ZNF717: variants seen among roughly 807,000 people sequenced by gnomAD.
ZNF717 encodes the protein krueppel-like factor X17.
In ZNF717, 9 loss-of-function variants were observed where a neutral mutation model predicts 13.8. That is an observed-to-expected ratio of 0.65 (90% CI 0.39 to 1.14). The LOEUF is 1.14. Among genes scored for constraint, ZNF717 ranks in the 50% most tolerant of loss-of-function variants. The probability of loss-of-function intolerance (pLI) is 0.01; values close to 1 mark genes in which losing one functional copy is unlikely to be tolerated. For missense variants in ZNF717, 1,040 were observed against 1,080.7 expected, an observed-to-expected ratio of 0.96 and a Z score of 0.53; for synonymous variants, 327 against 364.1, an observed-to-expected ratio of 0.90 and a Z score of 1.16.
exon 6 of ZNF717, chr3:75,730,592 T>C (rs1938472857): frequency 1.4e-6 from 1 of 701,770 alleles, no homozygotes; most frequent in Admixed American, 2.0e-5. Context: ...GGGAATACAG[T>C]TCCAGAGTTC....
At chr3:75,706,331 G>A (rs199566335), downstream of ZNF717, among the ~76,000 whole-genome samples, 1 of 152,310 alleles carries the variant, frequency 6.6e-6, no homozygotes, top group South Asian at 2.1e-4. Flanking sequence ...TCTGATATCT[G>A]CAGGAAGACA....
rs1326921786 is a variant in ZNF717, at chr3:75,735,946, A to C, written c.*932T>G. 6.6e-6 allele frequency: 1 copy of C among 152,180 alleles called. No homozygotes were observed. The highest frequency in any genetic ancestry group is 2.1e-4 in the South Asian group (1 of 4,828). 9.4% of individuals were successfully genotyped at this position (152,180 alleles called of 1,614,324 possible). A position where few individuals can be genotyped will look rare whatever the true frequency, so the allele number is the denominator to read the frequency against. On this transcript the variant is annotated 3_prime_UTR_variant, in exon 5 of 5. Transcript: ENST00000652011. ...AAAGATTTGTGGCCACGAAGTGCTCAGCAAGCCTGACCAGCACCATTTTTC... is the reference window on the plus strand; with the variant it reads ...AAAGATTTGTGGCCACGAAGTGCTCCGCAAGCCTGACCAGCACCATTTTTC...
chr3:75,750,610 G>T (rs78505770), intron 2 of ZNF717, among the ~76,000 whole-genome samples: 1 of 151,656 alleles, frequency 6.6e-6, no homozygotes, highest in African/African-American at 2.4e-5. Flanking sequence ...CCCTCCAACA[G>T]GATTCCAGAA....
At chr3:75,719,293 A>G (rs1380612695) in intron 4 of ZNF717, among the ~76,000 whole-genome samples, 2 of 151,790 alleles carry the variant, frequency 1.3e-5, no homozygotes, top group African/African-American at 4.8e-5. Flanking sequence ...TCAAAAAAAA[A>G]AAAAAGAATA....
chr3:75,757,837 G>A (rs934704812), intron 2 of ZNF717, among the ~76,000 whole-genome samples: 6 of 152,032 alleles, frequency 3.9e-5, no homozygotes, highest in South Asian at 2.1e-4. Context: ...AGTTGGGGCC[G>A]GGCATGGTGG....
chr3:75,758,613 T>C lies in ZNF717; in HGVS notation c.58-16877A>G, dbSNP rs141192098. Among the ~76,000 whole-genome samples, 953 of 152,296 alleles carry C rather than the reference T, an allele frequency of 6.3e-3. 7 individuals are homozygous for C. Among genetic ancestry groups the C allele is most frequent in the African/African-American group, 0.02 (831 of 41,548 alleles). On this transcript the variant is annotated intron_variant, in intron 2 of 4. Transcript: ENST00000652011. ...ATTCTTTTGTGAAAGGGAGAGTCAA[T>C]TGACACAGCAAACTTCAATGTTGTA...
intron 2 of ZNF717, among the ~76,000 whole-genome samples, chr3:75,752,308 AAT>A: frequency 1.1e-5 from 1 of 89,722 alleles, no homozygotes; most frequent in East Asian, 3.9e-4. Context: ...CGAGGGTCTG[AAT>A]GTTTGTCCCT....
Position 75,737,251 on chromosome 3 carries a change from C to T in ZNF717, c.2372G>A (p.Cys791Tyr). 6.4e-7 allele frequency: 1 copy of T among 1,552,696 alleles called. No homozygotes were observed. Among genetic ancestry groups the T allele is most frequent in the Non-Finnish European group, 8.7e-7 (1 of 1,147,682 alleles). The change falls in exon 5 of 5, where the codon TGT (cysteine) becomes TAT (tyrosine). Residue 791 changes from cysteine (C) to tyrosine (Y), a missense_variant. By Grantham distance (194) the Cys-to-Tyr change is radical (BLOSUM62 -2). Coordinates refer to ENST00000652011, the MANE Select transcript of ZNF717 (RefSeq NM_001290208.3). ...TGTCTTATCGTAAAAAGTTTTCCTACATTCATCACATTCATAGGGTTTCTC... is the reference window on the plus strand; with the variant it reads ...TGTCTTATCGTAAAAAGTTTTCCTATATTCATCACATTCATAGGGTTTCTC... ...SGEKPYECDE[C>Y]RKTFYDKTVL...
Position 75,737,704 on chromosome 3 carries a change from G to C in ZNF717, c.1919C>G (p.Thr640Ser). Residue 640 changes from threonine (T) to serine (S), a missense_variant, in exon 5 of 5, where the codon ACT becomes AGT. Thr to Ser is a moderately conservative substitution (Grantham distance 58, BLOSUM62 1). Around this residue, in one of 3 missense-constraint regions of ZNF717, gnomAD observed 873 missense variants for 832.8 expected, o/e 1.05. Transcript: ENST00000652011. ...TACGTAAGGTTTCTCTCCTGTGTGA[G>C]TTCCCTGATGGGTGCTGAGATTTGA... ...QKSNLSTHQG[T>S]HTGEKPYVCN... is the part of the protein sequence containing the mutation. 1 of 1,544,986 alleles carries C rather than the reference G, an allele frequency of 6.5e-7. No individual in the cohort carries two copies. The highest frequency in any genetic ancestry group is 8.8e-7 in the Non-Finnish European group (1 of 1,142,464).
At chr3:75,755,643 A>T (rs957671753) in intron 2 of ZNF717, among the ~76,000 whole-genome samples, 2 of 152,210 alleles carry the variant, frequency 1.3e-5, no homozygotes, top group Non-Finnish European at 2.9e-5. Context: ...GGACAGTGGG[A>T]TAGTGTTATA....
downstream of ZNF717, among the ~76,000 whole-genome samples, chr3:75,706,604 C>G (rs563959071): frequency 1.6e-4 from 24 of 152,240 alleles, no homozygotes; most frequent in South Asian, 6.2e-4. Flanking sequence ...AATGTGCCTT[C>G]TGTAAGAAGG....
At chr3:75,773,105 A>G (rs1484762375) in intron 2 of ZNF717, among the ~76,000 whole-genome samples, 2 of 152,154 alleles carry the variant, frequency 1.3e-5, no homozygotes, top group Non-Finnish European at 2.9e-5. Context: ...GTAAATGATA[A>G]TATTGGAACG....
chr3:75,715,107 A>G (rs1010672657), intron 5 of ZNF717, among the ~76,000 whole-genome samples: 5 of 152,242 alleles, frequency 3.3e-5, no homozygotes, highest in Non-Finnish European at 5.9e-5. Flanking sequence ...AGGTAATCTA[A>G]TAAGTGCTGT....
intron 2 of ZNF717, among the ~76,000 whole-genome samples, chr3:75,751,133 A>C (rs1350141036): frequency 2.0e-5 from 3 of 151,888 alleles, no homozygotes; most frequent in Admixed American, 6.6e-5. Context: ...TGCCCTTCAA[A>C]TAGTATTCCA....
intron 2 of ZNF717, among the ~76,000 whole-genome samples, chr3:75,772,167 C>T (rs547296307): frequency 6.6e-6 from 1 of 152,170 alleles, no homozygotes; most frequent in Admixed American, 6.5e-5. Context: ...GAGAGCTGAA[C>T]AGACATTGGG....
At chr3:75,706,522 G>GAC, downstream of ZNF717, among the ~76,000 whole-genome samples, 1 of 152,246 alleles carries the variant, frequency 6.6e-6, no homozygotes, top group East Asian at 1.9e-4. Flanking sequence ...TGGGCCCCAG[G>GAC]CCTCACAGAG....
chr3:75,737,790 T>TATC lies in ZNF717; in HGVS notation c.1832_1833insGAT (p.Arg611_Thr612insIle). ...CATAGGGTCTTTCCCCTGTGTGAGTTCTCTTGTGTATCCCAAGGTTTAACT... is the reference window on the plus strand; with the variant it reads ...CATAGGGTCTTTCCCCTGTGTGAGTTATCCTCTTGTGTATCCCAAGGTTTAACT... On this transcript the variant is annotated inframe_insertion, in exon 5 of 5. Transcript: ENST00000652011. The TATC allele has an allele frequency of 6.4e-7, 1 of 1,551,654 alleles. No individual in the cohort carries two copies. The highest frequency in any genetic ancestry group is 8.7e-7 in the Non-Finnish European group (1 of 1,146,908).
intron 2 of ZNF717, among the ~76,000 whole-genome samples, chr3:75,774,408 C>G (rs367571208): frequency 7.3e-6 from 1 of 137,322 alleles, no homozygotes; most frequent in African/African-American, 2.6e-5. Flanking sequence ...AACTTCAAAA[C>G]TGTCTTCTCT....
chr3:75,751,567 A>T (rs1203955721), intron 2 of ZNF717, among the ~76,000 whole-genome samples: 1 of 144,574 alleles, frequency 6.9e-6, no homozygotes, highest in African/African-American at 2.6e-5. Flanking sequence ...TCCCTCACAT[A>T]GGACACCAGA....
Sources: allele counts gnomAD v4.1 joint callset (sites outside exome capture counted in the v4.1 genomes callset), GRCh38; gene constraint gnomAD v4.1.1; regional missense constraint gnomAD v4.1.1; transcripts MANE v1.5; gene names NCBI Gene and HGNC (gene_info 2026-07-23, HGNC 2026-07-21).